DRC1: variants seen among roughly 807,000 people sequenced by gnomAD.
DRC1 encodes the protein dynein regulatory complex protein 1.
In DRC1, 74 loss-of-function variants were observed where a neutral mutation model predicts 98.7. The ratio of observed to expected loss-of-function variants is 0.75; its 90% CI spans 0.62 to 0.91. The LOEUF (loss-of-function observed/expected upper bound fraction) is 0.91, where lower values mean the gene tolerates loss of function less well. Among genes scored for constraint, DRC1 ranks in the 40% least tolerant of loss-of-function variants. The pLI is 0.00. For missense variants in DRC1, 875 were observed against 886.0 expected (o/e 0.99, Z 0.16); for synonymous variants, 336 against 334.1 (o/e 1.01, Z -0.06).
At chr2:26,428,274 G>A (rs1389717739) in intron 4 of DRC1, among the ~76,000 whole-genome samples, 1 of 152,138 alleles carries the variant, frequency 6.6e-6, no homozygotes, top group Non-Finnish European at 1.5e-5. Flanking sequence ...CTTAATGATG[G>A]GGATATATTC....
chr2:26,402,210 T>A (rs988456066), intron 1 of DRC1, 66 bp downstream of exon 1: 54 of 1,479,436 alleles, frequency 3.7e-5, no homozygotes, highest in Non-Finnish European at 4.6e-5. Flanking sequence ...GGTTTCCTGA[T>A]GAAATAGAAA....
chr2:26,433,894 G>A (rs1462338521), intron 7 of DRC1, among the ~76,000 whole-genome samples: 1 of 152,072 alleles, frequency 6.6e-6, no homozygotes, highest in Non-Finnish European at 1.5e-5. Flanking sequence ...GGAAACCGAG[G>A]CTACCTGTAC....
intron 2 of DRC1, among the ~76,000 whole-genome samples, chr2:26,414,652 A>G (rs1363375829): frequency 6.6e-6 from 1 of 152,202 alleles, no homozygotes; most frequent in Non-Finnish European, 1.5e-5. Context: ...TTTTAATGGT[A>G]TTCACTCTTC....
chr2:26,446,743 C>A (rs562736349), intron 10 of DRC1, among the ~76,000 whole-genome samples: 6 of 152,198 alleles, frequency 3.9e-5, no homozygotes, highest in African/African-American at 1.4e-4. Context: ...TTTATGGTTC[C>A]TTTTATTCTT....
chr2:26,414,498 A>G, intron 2 of DRC1, 67 bp downstream of exon 2: 1 of 1,430,270 alleles, frequency 7.0e-7, no homozygotes, highest in Non-Finnish European at 9.8e-7. Flanking sequence ...TGGTTTTCAC[A>G]TTTAGACTGG....
intron 10 of DRC1, among the ~76,000 whole-genome samples, chr2:26,446,967 G>A (rs1325895859): frequency 3.9e-5 from 6 of 152,204 alleles, no homozygotes. Flanking sequence ...GCGTGCGCCT[G>A]TAATCCCAGC....
intron 1 of DRC1, among the ~76,000 whole-genome samples, chr2:26,410,558 C>A (rs1435490773): frequency 6.6e-6 from 1 of 152,122 alleles, no homozygotes; most frequent in Non-Finnish European, 1.5e-5. Context: ...AGGCATGAGC[C>A]ACTGCACCCA....
intron 1 of DRC1, among the ~76,000 whole-genome samples, chr2:26,407,599 G>A (rs1422810293): frequency 6.6e-6 from 1 of 152,000 alleles, no homozygotes; most frequent in Non-Finnish European, 1.5e-5. Flanking sequence ...ATCAAAGGCT[G>A]ACCTGAAGAT....
chr2:26,405,522 G>A (rs1240649914), intron 1 of DRC1, among the ~76,000 whole-genome samples: 1 of 151,864 alleles, frequency 6.6e-6, no homozygotes, highest in African/African-American at 2.4e-5. Flanking sequence ...GGCACCTGAA[G>A]GTAGGTGGTC....
chr2:26,408,303 G>A (rs905834686), intron 1 of DRC1, among the ~76,000 whole-genome samples: 2 of 152,138 alleles, frequency 1.3e-5, no homozygotes, highest in Admixed American at 1.3e-4. Context: ...GGCGAGGCAA[G>A]GATACTTCAT....
At chr2:26,403,827 G>C (rs900232828) in intron 1 of DRC1, among the ~76,000 whole-genome samples, 2 of 144,736 alleles carry the variant, frequency 1.4e-5, no homozygotes, top group African/African-American at 5.1e-5. Context: ...TGGGCCGGGC[G>C]CAGTGGCTCA....
intron 6 of DRC1, 41 bp from the exon 7 acceptor site, chr2:26,431,843 G>A: frequency 1.2e-6 from 2 of 1,610,412 alleles, no homozygotes; most frequent in Non-Finnish European, 8.5e-7. Context: ...GGTGGGGCAA[G>A]GATGGTCCCT....
At chr2:26,418,682 TTA>T (rs1678928279) in intron 2 of DRC1, among the ~76,000 whole-genome samples, 1 of 87,540 alleles carries the variant, frequency 1.1e-5, no homozygotes, top group Non-Finnish European at 2.1e-5. Flanking sequence ...TAAATATAAT[TTA>T]TATTATATAT....
chr2:26,448,632 A>C, intron 10 of DRC1, 59 bp from the exon 11 acceptor site: 1 of 1,564,654 alleles, frequency 6.4e-7, no homozygotes, highest in Non-Finnish European at 8.8e-7. Flanking sequence ...CTCAGAGTCA[A>C]CTAGCTCCAG....
rs771535992 is a variant in DRC1 at position 26,431,943 on chromosome 2, G to T, written c.825G>T (p.Arg275Ser). ...KVEDYEKQLNRQRIWDCEEYN... is the reference protein window; with the variant it reads ...KVEDYEKQLNSQRIWDCEEYN... ...AGGACTATGAGAAGCAGCTGAACAG[G>T]CAGAGGATCTGGGATTGCGAAGAAT... The change falls in exon 7 of 17, where the codon AGG becomes AGT. Residue 275 changes from arginine to serine, a missense_variant. Arg to Ser is a moderately radical substitution (Grantham distance 110, BLOSUM62 -1). Transcript: ENST00000288710. The T allele has an allele frequency of 6.2e-7, 1 of 1,614,186 alleles. No individual in the cohort carries two copies. Among genetic ancestry groups the T allele is most frequent in the Non-Finnish European group, 8.5e-7 (1 of 1,180,018 alleles).
rs535609898 is a variant in DRC1, at chr2:26,444,484, T to A, written c.1163+128T>A. ...TTCTGGGGCTGGACCAGGCACTAGTTAACCTTTTGTGGTGTGTTCCCCTGG... is the reference window on the plus strand; with the variant it reads ...TTCTGGGGCTGGACCAGGCACTAGTAAACCTTTTGTGGTGTGTTCCCCTGG... On this transcript the variant is annotated intron_variant, in intron 9 of 16. Coordinates refer to ENST00000288710, the MANE Select transcript of DRC1 (RefSeq NM_145038.5). 12 of 1,319,052 alleles carry A rather than the reference T, an allele frequency of 9.1e-6. No homozygotes were observed. The South Asian group carries it at 1.8e-4, about 19-fold the overall frequency. 81.7% of individuals were successfully genotyped at this position (1,319,052 alleles called of 1,614,324 possible).
At chr2:26,421,499 G>C (rs1663140563) in intron 3 of DRC1, 99 bp downstream of exon 3, 1 of 815,694 alleles carries the variant, frequency 1.2e-6, no homozygotes, top group African/African-American at 1.8e-5. Context: ...GTCCACCTTA[G>C]ACAATTCCCT....
At chr2:26,438,764 A>G (rs1009311036) in intron 7 of DRC1, among the ~76,000 whole-genome samples, 17 of 152,124 alleles carry the variant, frequency 1.1e-4, no homozygotes, top group African/African-American at 4.1e-4. Context: ...ACTTGGAATC[A>G]CTTCCTCTGT....
chr2:26,402,345 T>C (rs1678273318), intron 1 of DRC1, among the ~76,000 whole-genome samples: 1 of 152,232 alleles, frequency 6.6e-6, no homozygotes, highest in Non-Finnish European at 1.5e-5. Flanking sequence ...GCCCAGGAGT[T>C]GGAGATGGTC....
Sources: gnomAD v4.1 joint callset for allele counts (sites outside exome capture counted in the v4.1 genomes callset) on GRCh38, gnomAD v4.1.1 for gene constraint, MANE v1.5 for transcripts, NCBI Gene and HGNC (gene_info 2026-07-23, HGNC 2026-07-21) for gene names.